Variants in NCK2 observed in about 807,000 individuals in gnomAD.
NCK2 encodes NCK adaptor protein 2, also known as cytoplasmic protein NCK2.
Under a neutral mutation model 33.9 loss-of-function variants are expected in NCK2, and 16 were observed. The observed-to-expected ratio is 0.47, with a 90% CI of 0.32 to 0.72. The LOEUF is 0.72. NCK2 is among the 30% of genes least tolerant of loss of function. NCK2 has a pLI of 0.03. For missense variants in NCK2, 418 were observed against 537.3 expected, an observed-to-expected ratio of 0.78 and a Z score of 2.19; for synonymous variants, 273 against 239.9, an observed-to-expected ratio of 1.14 and a Z score of -1.27.
chr2:105,783,839 C>T (rs1036276989), intron 1 of NCK2, among the ~76,000 whole-genome samples: 1 of 152,060 alleles, frequency 6.6e-6, no homozygotes, highest in Non-Finnish European at 1.5e-5. Flanking sequence ...GCATTTCTTC[C>T]CAGAAAGTGG....
intron 1 of NCK2, among the ~76,000 whole-genome samples, chr2:105,771,316 C>T (rs1389254889): frequency 2.0e-5 from 3 of 152,016 alleles, no homozygotes; most frequent in African/African-American, 7.2e-5. Context: ...TGTGTAATCC[C>T]AGCACTTTGG....
chr2:105,766,796 G>A (rs1038483039), intron 1 of NCK2, among the ~76,000 whole-genome samples: 2 of 152,174 alleles, frequency 1.3e-5, no homozygotes, highest in African/African-American at 4.8e-5. Flanking sequence ...GGGCATGCAG[G>A]ATTTTCGTTC....
chr2:105,774,093 C>CT (rs2104387058), intron 1 of NCK2, among the ~76,000 whole-genome samples: 1 of 151,768 alleles, frequency 6.6e-6, no homozygotes, highest in South Asian at 2.1e-4. Flanking sequence ...ACTGCAACCT[C>CT]TGTCTCCCAG....
intron 1 of NCK2, among the ~76,000 whole-genome samples, chr2:105,796,635 G>A (rs1691091202): frequency 6.6e-6 from 1 of 152,104 alleles, no homozygotes; most frequent in Non-Finnish European, 1.5e-5. Flanking sequence ...TTTTGCATTT[G>A]GCAAGGAAGA....
intron 3 of NCK2, among the ~76,000 whole-genome samples, chr2:105,875,505 A>G (rs1056155256): frequency 6.6e-6 from 1 of 152,134 alleles, no homozygotes; most frequent in Non-Finnish European, 1.5e-5. Context: ...CCCCCCATTC[A>G]TATGTTGAAA....
At chr2:105,840,161 TGGA>T (rs1676587012) in intron 2 of NCK2, among the ~76,000 whole-genome samples, 1 of 151,940 alleles carries the variant, frequency 6.6e-6, no homozygotes, top group Non-Finnish European at 1.5e-5. Flanking sequence ...AATCACAATA[TGGA>T]GGAGAATTTA....
At chr2:105,810,431 C>T (rs1465950197) in intron 1 of NCK2, among the ~76,000 whole-genome samples, 1 of 152,122 alleles carries the variant, frequency 6.6e-6, no homozygotes, top group South Asian at 2.1e-4. Flanking sequence ...TCCCTCTTTC[C>T]TTCCTTCAGA....
intron 2 of NCK2, among the ~76,000 whole-genome samples, chr2:105,839,442 G>T (rs1676551871): frequency 6.6e-6 from 1 of 152,132 alleles, no homozygotes; most frequent in Non-Finnish European, 1.5e-5. Context: ...AGTCTGTGGG[G>T]TTTGCTGCTG....
At chr2:105,844,978 T>C (rs1676800454) in intron 2 of NCK2, among the ~76,000 whole-genome samples, 1 of 152,064 alleles carries the variant, frequency 6.6e-6, no homozygotes, top group African/African-American at 2.4e-5. Context: ...TAGAGGTGTC[T>C]ATAGTAATTA....
At chr2:105,812,716 G>T (rs1675334608) in intron 1 of NCK2, among the ~76,000 whole-genome samples, 1 of 152,050 alleles carries the variant, frequency 6.6e-6, no homozygotes, top group Non-Finnish European at 1.5e-5. Context: ...GATCTGGAGT[G>T]GTTCTCTCCA....
At chr2:105,746,095 G>A (rs1689278027) in intron 1 of NCK2, among the ~76,000 whole-genome samples, 1 of 152,222 alleles carries the variant, frequency 6.6e-6, no homozygotes, top group Admixed American at 6.5e-5. Flanking sequence ...AAAGCCGAGC[G>A]TGCGTGGAGT....
intron 2 of NCK2, among the ~76,000 whole-genome samples, chr2:105,842,694 T>C (rs1377171686): frequency 6.6e-6 from 1 of 152,194 alleles, no homozygotes; most frequent in Non-Finnish European, 1.5e-5. Context: ...CAAGTAATTA[T>C]ACATGGAATT....
chr2:105,868,580 G>A (rs1677852697), intron 3 of NCK2, among the ~76,000 whole-genome samples: 1 of 152,196 alleles, frequency 6.6e-6, no homozygotes. Context: ...TCGTTCTAAT[G>A]CTGCTAATTG....
chr2:105,749,342 G>T (rs1033689848), intron 1 of NCK2, among the ~76,000 whole-genome samples: 1 of 152,198 alleles, frequency 6.6e-6, no homozygotes, highest in African/African-American at 2.4e-5. Flanking sequence ...GGAAGCTGGG[G>T]TGCTTACGTT....
At chr2:105,752,568 G>T (rs1304336600) in intron 1 of NCK2, among the ~76,000 whole-genome samples, 1 of 152,106 alleles carries the variant, frequency 6.6e-6, no homozygotes, top group Non-Finnish European at 1.5e-5. Context: ...ATACAGTGAT[G>T]GGGTACAGGT....
At chr2:105,791,421 G>A (rs796164361) in intron 1 of NCK2, among the ~76,000 whole-genome samples, 4 of 152,274 alleles carry the variant, frequency 2.6e-5, no homozygotes, top group African/African-American at 9.6e-5. Context: ...GAGGATATAC[G>A]GTGTAAAGTG....
At chr2:105,755,252 A>G (rs1467002461) in intron 1 of NCK2, among the ~76,000 whole-genome samples, 2 of 152,212 alleles carry the variant, frequency 1.3e-5, no homozygotes, top group Non-Finnish European at 2.9e-5. Context: ...GGTAACTGTG[A>G]AGAAATGGTG....
intron 3 of NCK2, among the ~76,000 whole-genome samples, chr2:105,869,858 G>T (rs1007781858): frequency 1.3e-5 from 2 of 152,108 alleles, no homozygotes; most frequent in Non-Finnish European, 2.9e-5. Context: ...ATTGGCATCT[G>T]TGTTCCCATT....
At chr2:105,860,341 C>A (rs1172774657) in intron 3 of NCK2, among the ~76,000 whole-genome samples, 2 of 152,114 alleles carry the variant, frequency 1.3e-5, no homozygotes, top group African/African-American at 4.8e-5. Flanking sequence ...AATGTCAGAA[C>A]TTTTAGAGTT....
Sources: allele counts gnomAD v4.1 joint callset (sites outside exome capture counted in the v4.1 genomes callset), GRCh38; gene constraint gnomAD v4.1.1; transcripts MANE v1.5; gene names NCBI Gene and HGNC (gene_info 2026-07-23, HGNC 2026-07-21).